The following PID1 variants were observed in gnomAD, a reference collection of about 807,000 sequenced individuals.
PID1 encodes phosphotyrosine interaction domain containing 1.
In PID1, 10 loss-of-function variants were observed where a neutral mutation model predicts 19.1. The observed-to-expected ratio is 0.52, with a 90% CI of 0.32 to 0.89. PID1 has a LOEUF of 0.89. Among genes scored for constraint, PID1 ranks in the 40% least tolerant of loss-of-function variants. The probability of loss-of-function intolerance (pLI) is 0.03; values close to 1 mark genes in which losing one functional copy is unlikely to be tolerated. For synonymous variants in PID1, 130 were observed against 116.0 expected (o/e 1.12, Z -0.78); for missense variants, 248 against 285.3 (o/e 0.87, Z 0.94).
chr2:229,127,705 T>C (rs774854745), intron 2 of PID1, among the ~76,000 whole-genome samples: 13 of 152,178 alleles, frequency 8.5e-5, no homozygotes, highest in Admixed American at 3.3e-4. Context: ...CCAGTTGTGA[T>C]GAACAAAAAT....
chr2:229,215,543 G>A (rs1338064063), intron 1 of PID1, among the ~76,000 whole-genome samples: 1 of 152,126 alleles, frequency 6.6e-6, no homozygotes, highest in African/African-American at 2.4e-5. Flanking sequence ...AATTCCCCTT[G>A]ACCATAAGCA....
At chr2:229,115,978 T>G (rs1695401968) in intron 2 of PID1, among the ~76,000 whole-genome samples, 1 of 152,076 alleles carries the variant, frequency 6.6e-6, no homozygotes. Flanking sequence ...CCCAGCACTT[T>G]GGGAGGCCGA....
chr2:229,124,561 C>T (rs565183520), intron 2 of PID1, among the ~76,000 whole-genome samples: 2 of 152,210 alleles, frequency 1.3e-5, no homozygotes, highest in South Asian at 4.1e-4. Context: ...AAGTCTTTTT[C>T]TCACACTTCA....
chr2:229,227,860 T>C (rs887384875), intron 1 of PID1: 1 of 389,958 alleles, frequency 2.6e-6, no homozygotes, highest in African/African-American at 2.1e-5. Flanking sequence ...TTATATAGCA[T>C]TTACACTATA....
chr2:229,189,960 G>A (rs866228453), intron 1 of PID1, among the ~76,000 whole-genome samples: 5 of 152,002 alleles, frequency 3.3e-5, no homozygotes, highest in Admixed American at 2.6e-4. Flanking sequence ...TGCTAATATC[G>A]GTATCAGTGA....
chr2:229,190,207 C>A (rs1451430628), intron 1 of PID1, among the ~76,000 whole-genome samples: 4 of 152,158 alleles, frequency 2.6e-5, no homozygotes, highest in Non-Finnish European at 4.4e-5. Flanking sequence ...TATTACCTAA[C>A]AAGATGTGTC....
chr2:229,268,376 C>T (rs1312925144), intron 1 of PID1, among the ~76,000 whole-genome samples: 4 of 152,188 alleles, frequency 2.6e-5, no homozygotes, highest in Admixed American at 1.3e-4. Flanking sequence ...GACTGTTCTA[C>T]GCAAAGATCT....
At chr2:229,051,526 C>G (rs540874677) in intron 2 of PID1, among the ~76,000 whole-genome samples, 1 of 152,112 alleles carries the variant, frequency 6.6e-6, no homozygotes, top group South Asian at 2.1e-4. Flanking sequence ...TTAGTAGAGA[C>G]AGGGTTTCAC....
At chr2:229,159,342 C>T (rs1296062577) in intron 1 of PID1, among the ~76,000 whole-genome samples, 1 of 152,178 alleles carries the variant, frequency 6.6e-6, no homozygotes, top group Non-Finnish European at 1.5e-5. Context: ...AAACACCAAT[C>T]TATGTGTTGT....
chr2:229,086,765 C>T (rs1437809697), intron 2 of PID1, among the ~76,000 whole-genome samples: 1 of 152,080 alleles, frequency 6.6e-6, no homozygotes, highest in Non-Finnish European at 1.5e-5. Context: ...ACAGAGACAG[C>T]GATTTATACA....
At chr2:229,093,030 T>C (rs1694904545) in intron 2 of PID1, among the ~76,000 whole-genome samples, 1 of 152,200 alleles carries the variant, frequency 6.6e-6, no homozygotes, top group South Asian at 2.1e-4. Context: ...CTCTTCTCAC[T>C]GTCAGTCTCC....
intron 1 of PID1, among the ~76,000 whole-genome samples, chr2:229,200,414 G>A (rs1303639075): frequency 1.3e-5 from 2 of 151,886 alleles, no homozygotes; most frequent in Non-Finnish European, 2.9e-5. Context: ...ACATTAATAC[G>A]GGCCCCATGC....
chr2:229,177,441 T>C (rs1261831994), intron 1 of PID1, among the ~76,000 whole-genome samples: 7 of 152,158 alleles, frequency 4.6e-5, no homozygotes, highest in Non-Finnish European at 1.0e-4. Context: ...TCCTACATAA[T>C]TAATTGTTAT....
chr2:229,213,661 T>C (rs554796022), intron 1 of PID1, among the ~76,000 whole-genome samples: 1 of 152,340 alleles, frequency 6.6e-6, no homozygotes, highest in Non-Finnish European at 1.5e-5. Context: ...CTTTAAGTCA[T>C]ATATCCCTGT....
chr2:229,257,205 G>A (rs1274130904), intron 1 of PID1, among the ~76,000 whole-genome samples: 1 of 152,206 alleles, frequency 6.6e-6, no homozygotes. Context: ...TGAGCAGGGT[G>A]AGCATGTGAT....
chr2:229,267,234 C>T (rs539011102), intron 1 of PID1, among the ~76,000 whole-genome samples: 3 of 152,216 alleles, frequency 2.0e-5, no homozygotes, highest in Non-Finnish European at 4.4e-5. Context: ...CTACTCTTCA[C>T]TGTGTTTCTC....
chr2:229,210,898 A>G (rs1310973788), intron 1 of PID1, among the ~76,000 whole-genome samples: 1 of 152,172 alleles, frequency 6.6e-6, no homozygotes, highest in Non-Finnish European at 1.5e-5. Context: ...CACTTTTTCC[A>G]TTTATTTTGA....
chr2:229,053,744 G>C (rs1004005165), intron 2 of PID1, among the ~76,000 whole-genome samples: 2 of 152,182 alleles, frequency 1.3e-5, no homozygotes, highest in Non-Finnish European at 2.9e-5. Flanking sequence ...TCGAACAGTT[G>C]CTCTGAAGGG....
At chr2:229,269,684 C>A (rs571076706) in intron 1 of PID1, among the ~76,000 whole-genome samples, 2 of 152,308 alleles carry the variant, frequency 1.3e-5, no homozygotes, top group Non-Finnish European at 2.9e-5. Context: ...ATATTTACAT[C>A]ACCTTCTATC....
Sources: gnomAD v4.1 joint callset for allele counts (sites outside exome capture counted in the v4.1 genomes callset) on GRCh38, gnomAD v4.1.1 for gene constraint, MANE v1.5 for transcripts, NCBI Gene and HGNC (gene_info 2026-07-23, HGNC 2026-07-21) for gene names.